The following ROBO2 variants were observed in gnomAD, a reference collection of about 807,000 sequenced individuals.
ROBO2 encodes roundabout guidance receptor 2.
ROBO2 carries 53 observed loss-of-function variants against 160.8 expected under a neutral mutation model. That is an observed-to-expected ratio of 0.33 (90% CI 0.26 to 0.41). ROBO2 has a LOEUF of 0.41. Ranked by LOEUF, ROBO2 falls within the 10% of genes least tolerant of loss-of-function variation. ROBO2 has a pLI of 1.00. For missense variants in ROBO2, 1,577 were observed against 1,722.4 expected, an observed-to-expected ratio of 0.92 and a Z score of 1.49; for synonymous variants, 664 against 611.7, an observed-to-expected ratio of 1.09 and a Z score of -1.26.
chr3:77,456,960 G>A (rs2081714357), intron 2 of ROBO2, among the ~76,000 whole-genome samples: 1 of 152,114 alleles, frequency 6.6e-6, no homozygotes. Flanking sequence ...TCTTCTTTCT[G>A]TCTCAAGGGT....
At chr3:77,027,865 G>T (rs973415026) in intron 2 of ROBO2, among the ~76,000 whole-genome samples, 1 of 152,150 alleles carries the variant, frequency 6.6e-6, no homozygotes, top group Admixed American at 6.5e-5. Flanking sequence ...AGATTGCATT[G>T]TGTCATACAA....
At chr3:76,212,493 T>G (rs553930735) in intron 2 of ROBO2, among the ~76,000 whole-genome samples, 1 of 152,204 alleles carries the variant, frequency 6.6e-6, no homozygotes, top group African/African-American at 2.4e-5. Context: ...AAGAGGAAAC[T>G]AAAAACTTAA....
intron 2 of ROBO2, among the ~76,000 whole-genome samples, chr3:76,653,276 T>A (rs1437746930): frequency 1.3e-5 from 2 of 151,870 alleles, no homozygotes; most frequent in Non-Finnish European, 1.5e-5. Flanking sequence ...TATAATTAGA[T>A]AATAAACTTA....
chr3:76,439,049 T>G (rs17792828), intron 2 of ROBO2, among the ~76,000 whole-genome samples: 6,253 of 152,236 alleles, frequency 0.041, 162 homozygotes, highest in Middle Eastern at 0.095. Flanking sequence ...AGGATAACTT[T>G]TTAAATGTGT....
At chr3:75,950,020 ATG>A (rs61564519) in intron 2 of ROBO2, among the ~76,000 whole-genome samples, 32 of 149,090 alleles carry the variant, frequency 2.1e-4, no homozygotes, top group South Asian at 1.7e-3. Context: ...CTACATATGC[ATG>A]TGTGTGTGTG....
At chr3:77,536,543 T>G (rs1266983212) in intron 6 of ROBO2, among the ~76,000 whole-genome samples, 6 of 152,136 alleles carry the variant, frequency 3.9e-5, no homozygotes, top group Admixed American at 3.3e-4. Context: ...GTATGTATTG[T>G]ATTACAACCT....
In ROBO2 at chr3:76,883,535, T is replaced by C. The variant is rs142640591; in HGVS notation, c.110-214479T>C. On this transcript the variant is annotated intron_variant, in intron 2 of 26. Transcript: ENST00000487694. ...TAATGATGTCATTTTCTGGTTTTTA[T>C]CCTCAACAGAAGCATATGATGGAAA... Among the ~76,000 whole-genome samples, 655 of 152,312 alleles carry C rather than the reference T, an allele frequency of 4.3e-3. 4 individuals carry two copies. Among genetic ancestry groups the C allele is most frequent in the African/African-American group, 0.014 (582 of 41,586 alleles).
At chr3:76,218,711 T>C (rs952411152) in intron 2 of ROBO2, among the ~76,000 whole-genome samples, 12 of 152,242 alleles carry the variant, frequency 7.9e-5, no homozygotes, top group African/African-American at 4.8e-5. Context: ...GTAGGAAGAC[T>C]CAATATCGTG....
chr3:76,055,967 T>C (rs1198329310), intron 2 of ROBO2, among the ~76,000 whole-genome samples: 2 of 152,206 alleles, frequency 1.3e-5, no homozygotes, highest in Non-Finnish European at 2.9e-5. Context: ...CTAATTTTAC[T>C]AGTTTTTGTG....
At position 76,064,885 on chromosome 3, in the gene ROBO2, G is replaced by A. The variant is rs149091087; in HGVS notation, c.109+127283G>A. ...TCTTTTCAAATTTTATTTCAAATGT[G>A]CCGTGCTGCCATAAAAGAAAGGTAT... On this transcript the variant is annotated intron_variant, in intron 2 of 26. Coordinates refer to the ROBO2 transcript ENST00000487694. 5.4e-3 allele frequency among the ~76,000 whole-genome samples: 814 copies of A among 152,112 alleles called. 11 individuals are homozygous for A. The highest frequency in any genetic ancestry group is 0.019 in the African/African-American group (788 of 41,516).
chr3:76,487,377 G>A (rs755910598), intron 2 of ROBO2, among the ~76,000 whole-genome samples: 3 of 151,912 alleles, frequency 2.0e-5, no homozygotes, highest in South Asian at 2.1e-4. Context: ...GGATAAAAAC[G>A]TATGTAAAAA....
chr3:76,885,832 T>C (rs1214438539), intron 2 of ROBO2, among the ~76,000 whole-genome samples: 1 of 152,160 alleles, frequency 6.6e-6, no homozygotes, highest in Non-Finnish European at 1.5e-5. Context: ...ATGGCACATT[T>C]TTCCTGCCTC....
At chr3:77,342,721 A>G (rs969993343) in intron 2 of ROBO2, among the ~76,000 whole-genome samples, 2 of 152,020 alleles carry the variant, frequency 1.3e-5, no homozygotes, top group Admixed American at 1.3e-4. Flanking sequence ...GGCATCCCCC[A>G]CCCAACACAC....
intron 2 of ROBO2, among the ~76,000 whole-genome samples, chr3:77,009,298 C>G (rs1267132762): frequency 6.6e-6 from 1 of 152,152 alleles, no homozygotes; most frequent in Non-Finnish European, 1.5e-5. Flanking sequence ...TTGCGGTTTG[C>G]AGTTAACTTT....
At chr3:76,191,384 G>A (rs370244445) in intron 2 of ROBO2, among the ~76,000 whole-genome samples, 5 of 151,998 alleles carry the variant, frequency 3.3e-5, no homozygotes, top group Non-Finnish European at 7.4e-5. Flanking sequence ...AAATAGCTTC[G>A]CAAATCATGT....
intron 2 of ROBO2, among the ~76,000 whole-genome samples, chr3:77,443,622 A>G (rs576739336): frequency 6.6e-6 from 1 of 151,994 alleles, no homozygotes; most frequent in African/African-American, 2.4e-5. Flanking sequence ...AGAAATTGAG[A>G]AAAATACTAT....
At chr3:76,858,291 G>T (rs1577076939) in intron 2 of ROBO2, among the ~76,000 whole-genome samples, 1 of 152,024 alleles carries the variant, frequency 6.6e-6, no homozygotes, top group African/African-American at 2.4e-5. Flanking sequence ...GTTTTTTTTG[G>T]AGGCAGAGCC....
intron 3 of ROBO2, among the ~76,000 whole-genome samples, chr3:77,480,104 A>G (rs2084502202): frequency 6.6e-6 from 1 of 152,170 alleles, no homozygotes; most frequent in Non-Finnish European, 1.5e-5. Flanking sequence ...TTTTTCACCT[A>G]TGTAAAAAAA....
intron 2 of ROBO2, among the ~76,000 whole-genome samples, chr3:76,415,534 G>A (rs3849488): frequency 0.027 from 4,148 of 152,130 alleles, 184 homozygotes; most frequent in African/African-American, 0.095. Flanking sequence ...ATCAAGTTGG[G>A]GAGGCAAAAT....
Sources: allele counts gnomAD v4.1 joint callset (sites outside exome capture counted in the v4.1 genomes callset), GRCh38; gene constraint gnomAD v4.1.1; transcripts MANE v1.5; gene names NCBI Gene and HGNC (gene_info 2026-07-23, HGNC 2026-07-21).